Variants in AURKA observed in about 807,000 individuals in gnomAD.
The protein encoded by AURKA is aurora 2.
In AURKA, 12 loss-of-function variants were observed where a neutral mutation model predicts 40.9. The ratio of observed to expected loss-of-function variants is 0.29; its 90% CI spans 0.19 to 0.48. The LOEUF is 0.48. AURKA is among the 20% of genes least tolerant of loss of function. The pLI is 0.99. For missense variants in AURKA, 322 were observed against 462.1 expected (o/e 0.70, Z 2.78); for synonymous variants, 170 against 164.3 (o/e 1.03, Z -0.26).
In AURKA at chr20:56,370,178, A is replaced by T. The variant is rs747528451; in HGVS notation, c.1192T>A (p.Ser398Thr). The change falls in exon 9 of 9, where the codon TCA becomes ACA. Residue 398 changes from serine to threonine, a missense_variant. By Grantham distance (58) the Ser-to-Thr change is moderately conservative. Transcript: ENST00000395915. ...GATTCCTAAGACTGTTTGCTAGCTG[A>T]TTCTTTGTTTTGGCAATTTGATGGT... ...SKPSNCQNKE[S>T]ASKQS The T allele has an allele frequency of 1.4e-5, 23 of 1,612,748 alleles. No individual in the cohort carries two copies.
Position 56,370,514 on chromosome 20 carries a change from A to AT in AURKA, c.999dup (p.Tyr334IlefsTer12). On this transcript the variant is annotated frameshift_variant, in exon 8 of 9. Coordinates refer to ENST00000395915, the MANE Select transcript of AURKA (RefSeq NM_198437.3). LOFTEE classifies it high-confidence loss of function. ...GATATTCTTTTGTAGGTCTCTTGGT[A>AT]TGTGTTTGCCTCAAAAGGAGGCTTC... The AT allele has an allele frequency of 6.2e-7, 1 of 1,614,180 alleles. No individual in the cohort carries two copies. The highest frequency in any genetic ancestry group is 8.5e-7 in the Non-Finnish European group (1 of 1,180,040).
Position 56,388,267 on chromosome 20 carries a change from T to C in AURKA, c.-5-65A>G, listed in dbSNP as rs1259598322. 22 of 1,273,604 alleles carry C rather than the reference T, an allele frequency of 1.7e-5. No individual in the cohort carries two copies. The East Asian group carries it at 1.8e-4, about 10-fold the overall frequency. The allele number at this position is 1,273,604 out of a possible 1,614,324, so 78.9% of individuals were successfully genotyped here. On this transcript the variant is annotated intron_variant, in intron 1 of 8. Transcript: ENST00000395915. ...ACCTGCTTAAAGTGCTGTTGCTCGA[T>C]AGGCAGCGTTACAGTTCCCCAATCA...
At chr20:56,375,881 T>C (rs1984858732) in intron 6 of AURKA, among the ~76,000 whole-genome samples, 1 of 152,246 alleles carries the variant, frequency 6.6e-6, no homozygotes, top group Admixed American at 6.5e-5. Context: ...CAGATATGGA[T>C]AGGTCACTGA....
chr20:56,382,649 G>C (rs903986177), intron 5 of AURKA, among the ~76,000 whole-genome samples: 1 of 151,426 alleles, frequency 6.6e-6, no homozygotes, highest in South Asian at 2.1e-4. Context: ...AGTGCTCTTT[G>C]AAAGATGACA....
chr20:56,372,106 GT>G (rs1569042595), intron 7 of AURKA, among the ~76,000 whole-genome samples: 1 of 152,204 alleles, frequency 6.6e-6, no homozygotes, highest in East Asian at 1.9e-4. Flanking sequence ...AACAGTCTGT[GT>G]GGGTTCGTGT....
At chr20:56,370,691 C>T (rs760107312) in intron 7 of AURKA, 32 bp from the exon 8 acceptor site, 78 of 1,612,696 alleles carry the variant, frequency 4.8e-5, no homozygotes, top group Non-Finnish European at 6.1e-5. Flanking sequence ...GGTTGATGTG[C>T]TTCTCGTTTT....
chr20:56,370,918 G>A (rs556801686), intron 7 of AURKA, among the ~76,000 whole-genome samples: 1 of 152,158 alleles, frequency 6.6e-6, no homozygotes, highest in Admixed American at 6.5e-5. Context: ...GTAAGAAACT[G>A]AATGTATCAC....
chr20:56,374,975 G>A (rs1287295658), intron 6 of AURKA, among the ~76,000 whole-genome samples: 2 of 152,128 alleles, frequency 1.3e-5, no homozygotes, highest in East Asian at 3.9e-4. Context: ...TTGAACCCAG[G>A]AGGTAGAGGT....
intron 3 of AURKA, among the ~76,000 whole-genome samples, chr20:56,385,643 T>C (rs1193305236): frequency 6.6e-6 from 1 of 152,134 alleles, no homozygotes; most frequent in Non-Finnish European, 1.5e-5. Flanking sequence ...GTATTTTTAG[T>C]AGAGACAGGG....
chr20:56,379,704 G>A (rs967348349), intron 6 of AURKA, among the ~76,000 whole-genome samples: 6 of 152,188 alleles, frequency 3.9e-5, no homozygotes, highest in Non-Finnish European at 7.3e-5. Flanking sequence ...GCTCACACCT[G>A]TAATCCTAGC....
At chr20:56,372,435 G>A (rs970336079) in intron 7 of AURKA, among the ~76,000 whole-genome samples, 1 of 151,298 alleles carries the variant, frequency 6.6e-6, no homozygotes, top group African/African-American at 2.4e-5. Flanking sequence ...CAATTCAACC[G>A]GTTAAGATAC....
At chr20:56,385,726 G>A (rs1023232996) in intron 3 of AURKA, among the ~76,000 whole-genome samples, 5 of 152,144 alleles carry the variant, frequency 3.3e-5, no homozygotes, top group South Asian at 2.1e-4. Context: ...CTCCCAAAGC[G>A]CTGGGATTAC....
intron 3 of AURKA, among the ~76,000 whole-genome samples, chr20:56,385,474 T>C (rs1399144040): frequency 6.6e-6 from 1 of 151,976 alleles, no homozygotes; most frequent in Non-Finnish European, 1.5e-5. Flanking sequence ...TTTTTTTTTT[T>C]TTTTGAGATA....
chr20:56,385,712 C>T (rs1260588980), intron 3 of AURKA, among the ~76,000 whole-genome samples: 4 of 152,162 alleles, frequency 2.6e-5, no homozygotes, highest in Non-Finnish European at 5.9e-5. Flanking sequence ...CCACCTGCCT[C>T]GGTCTCCCAA....
At chr20:56,372,919 C>G (rs1984457004) in intron 7 of AURKA, among the ~76,000 whole-genome samples, 1 of 152,232 alleles carries the variant, frequency 6.6e-6, no homozygotes, top group Admixed American at 6.5e-5. Context: ...CAGAGGCAGA[C>G]TGAAGAGAAT....
At chr20:56,385,267 G>T (rs1986210900) in intron 3 of AURKA, among the ~76,000 whole-genome samples, 1 of 152,136 alleles carries the variant, frequency 6.6e-6, no homozygotes. Context: ...TACGAAGATT[G>T]AAAGAGATGA....
At chr20:56,378,231 T>C (rs1014460812) in intron 6 of AURKA, among the ~76,000 whole-genome samples, 1 of 152,126 alleles carries the variant, frequency 6.6e-6, no homozygotes, top group African/African-American at 2.4e-5. Context: ...CCTCAATTCA[T>C]TGGTTCCGAT....
At chr20:56,386,191 T>C in intron 3 of AURKA, 66 bp downstream of exon 3, 2 of 1,590,588 alleles carry the variant, frequency 1.3e-6, no homozygotes, top group Non-Finnish European at 1.7e-6. Context: ...TGCAAGTATA[T>C]ACACTGGCTT....
At position 56,370,679 on chromosome 20, in the gene AURKA, C is replaced by G. The variant is rs769665590; in HGVS notation, c.855-20G>C. 2.5e-6 allele frequency: 4 copies of G among 1,613,942 alleles called. No individual in the cohort carries two copies. Among genetic ancestry groups the G allele is most frequent in the South Asian group, 2.2e-5 (2 of 91,048 alleles). Reference sequence around the variant, plus strand: ...GTCCTCCTGAAAACGGAGGGAGGCTCAGGTTGATGTGCTTCTCGTTTTATG... The same window carrying G: ...GTCCTCCTGAAAACGGAGGGAGGCTGAGGTTGATGTGCTTCTCGTTTTATG... On this transcript the variant is annotated intron_variant, in intron 7 of 8. Coordinates refer to ENST00000395915, the MANE Select transcript of AURKA (RefSeq NM_198437.3).
Sources: allele counts gnomAD v4.1 joint callset (sites outside exome capture counted in the v4.1 genomes callset), GRCh38; gene constraint gnomAD v4.1.1; transcripts MANE v1.5; gene names NCBI Gene and HGNC (gene_info 2026-07-23, HGNC 2026-07-21).